Variants in ARHGAP26 observed in about 807,000 individuals in gnomAD.
ARHGAP26 encodes Rho GTPase activating protein 26, also known as rho GTPase-activating protein 26.
ARHGAP26 carries 38 observed loss-of-function variants against 104.8 expected under a neutral mutation model. The ratio of observed to expected loss-of-function variants is 0.36; its 90% CI spans 0.28 to 0.48. The LOEUF is 0.48. Among genes scored for constraint, ARHGAP26 ranks in the 20% least tolerant of loss-of-function variants. The probability of loss-of-function intolerance (pLI) is 0.99; values close to 1 mark genes in which losing one functional copy is unlikely to be tolerated. For missense variants in ARHGAP26, 704 were observed against 947.9 expected, an observed-to-expected ratio of 0.74 and a Z score of 3.38; for synonymous variants, 341 against 340.0, an observed-to-expected ratio of 1.00 and a Z score of -0.03.
At chr5:142,850,918 A>G (rs1751384580) in intron 1 of ARHGAP26, among the ~76,000 whole-genome samples, 1 of 152,236 alleles carries the variant, frequency 6.6e-6, no homozygotes, top group Admixed American at 6.5e-5. Context: ...AATGTCTAGC[A>G]TTAGAGTGGT....
chr5:143,046,162 G>T (rs770166266), intron 14 of ARHGAP26, among the ~76,000 whole-genome samples: 1 of 151,750 alleles, frequency 6.6e-6, no homozygotes, highest in Non-Finnish European at 1.5e-5. Flanking sequence ...AAAATTAGCC[G>T]GGTGTGGTGG....
intron 14 of ARHGAP26, among the ~76,000 whole-genome samples, chr5:143,050,918 G>T (rs1363274941): frequency 6.6e-6 from 1 of 152,170 alleles, no homozygotes; most frequent in African/African-American, 2.4e-5. Flanking sequence ...TTGCCTGTTG[G>T]GATGCTTCAG....
chr5:143,184,769 T>G (rs1220674140), intron 20 of ARHGAP26, among the ~76,000 whole-genome samples: 6 of 152,102 alleles, frequency 3.9e-5, no homozygotes, highest in Admixed American at 3.9e-4. Context: ...GATGAGTTCA[T>G]TGGACAGAGG....
At chr5:142,875,415 T>A (rs1044445703) in intron 3 of ARHGAP26, among the ~76,000 whole-genome samples, 9 of 152,218 alleles carry the variant, frequency 5.9e-5, no homozygotes, top group Non-Finnish European at 1.2e-4. Context: ...TAAGGTCTTT[T>A]CATAAGGTGT....
intron 20 of ARHGAP26, among the ~76,000 whole-genome samples, chr5:143,186,596 C>T (rs2151222068): frequency 6.6e-6 from 1 of 152,338 alleles, no homozygotes; most frequent in East Asian, 1.9e-4. Context: ...GAGTCTGGGG[C>T]TTACTGAAGT....
chr5:142,851,140 C>T (rs1751429541), intron 1 of ARHGAP26, among the ~76,000 whole-genome samples: 1 of 151,386 alleles, frequency 6.6e-6, no homozygotes, highest in African/African-American at 2.4e-5. Flanking sequence ...CTCTGTTGCC[C>T]AGGCTGGAGT....
rs1562136985 is a variant in ARHGAP26 at position 142,949,218 on chromosome 5, AGAGGAGAGAGAGAGGAGAGAGAG to A, written c.1107+17094_1107+17116del. 3.3e-4 allele frequency among the ~76,000 whole-genome samples: 24 copies of A among 73,342 alleles called. 3 individuals carry two copies. The highest frequency in any genetic ancestry group is 6.1e-4 in the Admixed American group (5 of 8,236). The allele number at this position is 73,342 out of a possible 152,430, so 48.1% of individuals were successfully genotyped here. On this transcript the variant is annotated intron_variant, in intron 11 of 22. Coordinates refer to ENST00000645722, the MANE Select transcript of ARHGAP26 (RefSeq NM_001135608.3). Reference sequence around the variant, plus strand: ...GAGAGAGAGAGAGAGAGAGAGAGAGAGAGGAGAGAGAGAGGAGAGAGAGAGAGAGAGAGAGAGAGTTGAGAATA... The same window carrying A: ...GAGAGAGAGAGAGAGAGAGAGAGAGAAGAGAGAGAGAGAGAGTTGAGAATA...
chr5:143,137,742 A>G lies in ARHGAP26; in HGVS notation c.1837+3637A>G, dbSNP rs145967136. Among the ~76,000 whole-genome samples, 438 of 152,288 alleles carry G rather than the reference A, an allele frequency of 2.9e-3. 4 individuals are homozygous for G. Among genetic ancestry groups the G allele is most frequent in the African/African-American group, 9.7e-3 (402 of 41,566 alleles). ...GTCCTCTCTCCAGTCCGCAGTTGAAATGCTTAGTGGGGTTGAGGCTTCCAG... is the reference window on the plus strand; with the variant it reads ...GTCCTCTCTCCAGTCCGCAGTTGAAGTGCTTAGTGGGGTTGAGGCTTCCAG... On this transcript the variant is annotated intron_variant, in intron 19 of 22. Transcript: ENST00000645722.
At chr5:142,880,136 ACTAATT>A (rs1380085753) in intron 4 of ARHGAP26, among the ~76,000 whole-genome samples, 1 of 152,164 alleles carries the variant, frequency 6.6e-6, no homozygotes, top group African/African-American at 2.4e-5. Flanking sequence ...CCTAAGCTTG[ACTAATT>A]CTAATGTGTT....
intron 13 of ARHGAP26, 45 bp downstream of exon 13, chr5:143,037,306 C>T: frequency 6.6e-7 from 1 of 1,512,316 alleles, no homozygotes; most frequent in Non-Finnish European, 9.1e-7. Context: ...GAAGGTCACG[C>T]ATCTGGTGAG....
chr5:142,912,884 A>G (rs1340987379), intron 9 of ARHGAP26, among the ~76,000 whole-genome samples: 1 of 152,190 alleles, frequency 6.6e-6, no homozygotes, highest in Non-Finnish European at 1.5e-5. Flanking sequence ...GGAGGAGACC[A>G]TCTTCTTCTA....
chr5:142,899,213 T>C (rs1210652061), intron 6 of ARHGAP26, among the ~76,000 whole-genome samples: 1 of 152,214 alleles, frequency 6.6e-6, no homozygotes, highest in East Asian at 1.9e-4. Flanking sequence ...GTAAAGACCC[T>C]ATTTCCAAGT....
chr5:143,001,497 A>C (rs1203541158), intron 11 of ARHGAP26, among the ~76,000 whole-genome samples: 5 of 152,260 alleles, frequency 3.3e-5, no homozygotes, highest in South Asian at 4.1e-4. Flanking sequence ...CAAAATATGA[A>C]CAACTGTAGA....
intron 11 of ARHGAP26, among the ~76,000 whole-genome samples, chr5:142,947,700 T>C (rs1041711436): frequency 1.3e-5 from 2 of 152,296 alleles, no homozygotes; most frequent in African/African-American, 4.8e-5. Context: ...CAAGTTGATT[T>C]GTTGAATGTC....
At chr5:142,997,100 A>G (rs539826655) in intron 11 of ARHGAP26, among the ~76,000 whole-genome samples, 1 of 151,884 alleles carries the variant, frequency 6.6e-6, no homozygotes, top group Non-Finnish European at 1.5e-5. Context: ...TTTCCAAAAA[A>G]CTTTATATAT....
intron 11 of ARHGAP26, among the ~76,000 whole-genome samples, chr5:142,942,346 GA>G (rs1182425580): frequency 6.6e-6 from 1 of 151,982 alleles, no homozygotes. Flanking sequence ...GGTTACAAAA[GA>G]AAAAATTATA....
chr5:142,807,864 T>C (rs1157722977), intron 1 of ARHGAP26, among the ~76,000 whole-genome samples: 2 of 152,202 alleles, frequency 1.3e-5, no homozygotes, highest in African/African-American at 2.4e-5. Context: ...CATATTTTAA[T>C]GCTGTGTCAT....
Position 142,890,152 on chromosome 5 carries a change from ATATATAT to A in ARHGAP26, c.487-4085_487-4079del, listed in dbSNP as rs1432039700. ...ACTCCGTCTTAAAAAAAAAAAAAAA[ATATATAT>A]ATATATATATATATATATATATATA... On this transcript the variant is annotated intron_variant, in intron 5 of 22. Coordinates refer to ENST00000645722, the MANE Select transcript of ARHGAP26 (RefSeq NM_001135608.3). 4.1e-3 allele frequency among the ~76,000 whole-genome samples: 90 copies of A among 21,934 alleles called. 1 individual carries two copies. The highest frequency in any genetic ancestry group is 9.7e-3 in the African/African-American group (74 of 7,662). The allele number at this position is 21,934 out of a possible 152,430, so 14.4% of individuals were successfully genotyped here.
At chr5:142,909,419 TGG>T (rs1156501816) in intron 9 of ARHGAP26, among the ~76,000 whole-genome samples, 2 of 152,246 alleles carry the variant, frequency 1.3e-5, no homozygotes, top group African/African-American at 4.8e-5. Flanking sequence ...TCAGTCTGCC[TGG>T]GCCAGTGCTG....
Sources: allele counts gnomAD v4.1 joint callset (sites outside exome capture counted in the v4.1 genomes callset), GRCh38; gene constraint gnomAD v4.1.1; transcripts MANE v1.5; gene names NCBI Gene and HGNC (gene_info 2026-07-23, HGNC 2026-07-21).